KHDC1: variants seen among roughly 807,000 people sequenced by gnomAD.
KHDC1 encodes KH homology domain-containing protein 1.
KHDC1 carries 21 observed loss-of-function variants against 24.7 expected under a neutral mutation model. That is an observed-to-expected ratio of 0.85 (90% CI 0.60 to 1.23). The LOEUF (loss-of-function observed/expected upper bound fraction) is 1.23, where lower values mean the gene tolerates loss of function less well. KHDC1 is among the 50% of genes most tolerant of loss of function. KHDC1 has a pLI of 0.00. For missense variants in KHDC1, 274 were observed against 298.5 expected, an observed-to-expected ratio of 0.92 and a Z score of 0.61; for synonymous variants, 98 against 111.7, an observed-to-expected ratio of 0.88 and a Z score of 0.77.
chr6:73,275,213 G>T (rs1336458579), intron 2 of KHDC1: 1 of 152,374 alleles, frequency 6.6e-6, no homozygotes, highest in Non-Finnish European at 1.5e-5. Context: ...AGCTGGGCAT[G>T]GTGGCGCATA....
chr6:73,252,217 A>AT (rs1477281580), intron 2 of KHDC1, among the ~76,000 whole-genome samples: 1 of 151,418 alleles, frequency 6.6e-6, no homozygotes, highest in Non-Finnish European at 1.5e-5. Context: ...TAATTTTCAT[A>AT]TTTTTTGTAG....
intron 2 of KHDC1, among the ~76,000 whole-genome samples, chr6:73,291,513 A>G (rs1206884381): frequency 6.6e-6 from 1 of 151,664 alleles, no homozygotes; most frequent in Non-Finnish European, 1.5e-5. Context: ...CTTCGTAGAG[A>G]TAGAGGTTTC....
chr6:73,259,757 T>C (rs114777184), intron 2 of KHDC1, among the ~76,000 whole-genome samples: 2,020 of 152,322 alleles, frequency 0.013, 37 homozygotes, highest in African/African-American at 0.045. Context: ...GTTTTTGCTA[T>C]GGTTGAGACA....
intron 2 of KHDC1, among the ~76,000 whole-genome samples, chr6:73,249,665 T>C (rs995702286): frequency 2.6e-5 from 4 of 152,222 alleles, no homozygotes; most frequent in African/African-American, 9.6e-5. Context: ...CTGCTGGATG[T>C]GGACTCACAG....
chr6:73,292,214 C>T, intron 1 of KHDC1: 6 of 1,432,054 alleles, frequency 4.2e-6, no homozygotes, highest in Non-Finnish European at 5.9e-6. Flanking sequence ...GAAACAGCTT[C>T]AGGCAGAAAC....
chr6:73,277,465 CA>C (rs910800830), intron 2 of KHDC1, among the ~76,000 whole-genome samples: 3 of 150,784 alleles, frequency 2.0e-5, no homozygotes, highest in South Asian at 4.2e-4. Context: ...ACTCTGTCTC[CA>C]AAAAAAACAG....
At chr6:73,294,807 G>A (rs1416488815) in intron 1 of KHDC1, among the ~76,000 whole-genome samples, 1 of 152,108 alleles carries the variant, frequency 6.6e-6, no homozygotes, top group African/African-American at 2.4e-5. Context: ...CTCATGAATG[G>A]TTTAGCACCA....
At chr6:73,248,934 G>T (rs376809556) in intron 2 of KHDC1, among the ~76,000 whole-genome samples, 5 of 116,776 alleles carry the variant, frequency 4.3e-5, no homozygotes, top group African/African-American at 1.4e-4. Flanking sequence ...TGGCCTTTAT[G>T]TTGGGAGTCA....
chr6:73,302,300 T>TAAAAG (rs1197212940), intron 1 of KHDC1, among the ~76,000 whole-genome samples: 3 of 151,786 alleles, frequency 2.0e-5, no homozygotes, highest in Non-Finnish European at 4.4e-5. Context: ...AAAAAATAGA[T>TAAAAG]AAAAGAAAAG....
intron 2 of KHDC1, among the ~76,000 whole-genome samples, chr6:73,278,009 GTTTTTTTTTTTT>G (rs70994182): frequency 2.8e-5 from 3 of 106,352 alleles, no homozygotes; most frequent in African/African-American, 1.2e-4. Flanking sequence ...TCTCTCGGGT[GTTTTTTTTTTTT>G]TTTTTTTTTG....
chr6:73,283,339 T>A (rs61002442), intron 2 of KHDC1, among the ~76,000 whole-genome samples: 23,163 of 151,756 alleles, frequency 0.15, 2,497 homozygotes, highest in African/African-American at 0.29. Flanking sequence ...TTTTTTTTTT[T>A]AAAAAGAAGC....
intron 1 of KHDC1, among the ~76,000 whole-genome samples, chr6:73,294,196 C>A (rs1356428065): frequency 6.6e-6 from 1 of 152,088 alleles, no homozygotes; most frequent in Non-Finnish European, 1.5e-5. Flanking sequence ...TTTCCCTGTT[C>A]TAAAACTTTA....
chr6:73,257,580 G>C (rs1259482270), intron 2 of KHDC1, among the ~76,000 whole-genome samples: 3 of 151,952 alleles, frequency 2.0e-5, no homozygotes, highest in African/African-American at 7.2e-5. Context: ...TGTATTTTTA[G>C]TAGAGATAGG....
At chr6:73,247,708 T>C (rs1159999945) in intron 2 of KHDC1, among the ~76,000 whole-genome samples, 1 of 151,854 alleles carries the variant, frequency 6.6e-6, no homozygotes, top group Non-Finnish European at 1.5e-5. Context: ...AATACAAAAA[T>C]TAGCCGGGCA....
chr6:73,297,152 C>T (rs11755051), intron 1 of KHDC1, among the ~76,000 whole-genome samples: 6,716 of 152,224 alleles, frequency 0.044, 224 homozygotes, highest in Middle Eastern at 0.071. Flanking sequence ...AGGCCCACCT[C>T]GGCCTCCCAA....
intron 2 of KHDC1, among the ~76,000 whole-genome samples, chr6:73,255,979 T>C (rs935718959): frequency 5.3e-5 from 8 of 151,764 alleles, no homozygotes; most frequent in African/African-American, 1.9e-4. Flanking sequence ...AGAGCCATGA[T>C]TGTCGAGCCT....
At chr6:73,281,249 G>A (rs770706055) in intron 2 of KHDC1, among the ~76,000 whole-genome samples, 8 of 151,870 alleles carry the variant, frequency 5.3e-5, no homozygotes, top group Non-Finnish European at 1.0e-4. Flanking sequence ...TAAGGCAGGA[G>A]AATCACTTGA....
chr6:73,259,909 A>T (rs920037521), intron 2 of KHDC1, among the ~76,000 whole-genome samples: 1 of 152,182 alleles, frequency 6.6e-6, no homozygotes, highest in Admixed American at 6.5e-5. Flanking sequence ...TTTTTAACCA[A>T]TTATCTGGCT....
chr6:73,290,925 T>TA (rs1767638826), intron 2 of KHDC1: 3 of 366,832 alleles, frequency 8.2e-6, no homozygotes, highest in South Asian at 7.0e-5. Context: ...TCACTGAGTC[T>TA]AATGTAGTGG....
Sources: allele counts gnomAD v4.1 joint callset (sites outside exome capture counted in the v4.1 genomes callset), GRCh38; gene constraint gnomAD v4.1.1; transcripts MANE v1.5; gene names NCBI Gene and HGNC (gene_info 2026-07-23, HGNC 2026-07-21).